Variants in COG6 observed in about 807,000 individuals in gnomAD.
COG6 encodes conserved oligomeric Golgi complex subunit 6.
In COG6, 74 loss-of-function variants were observed where a neutral mutation model predicts 88.8. The observed-to-expected ratio is 0.83, with a 90% CI of 0.69 to 1.01. COG6 has a LOEUF of 1.01. COG6 is among the 50% of genes least tolerant of loss of function. The pLI is 0.00. For missense variants in COG6, 800 were observed against 797.9 expected (o/e 1.00, Z -0.03); for synonymous variants, 286 against 278.7 (o/e 1.03, Z -0.26).
chr13:39,780,331 T>C (rs1881593061), intron 18 of COG6, among the ~76,000 whole-genome samples: 2 of 152,196 alleles, frequency 1.3e-5, no homozygotes. Context: ...AGCAACATGA[T>C]GGCTGGCACC....
At chr13:39,710,221 TC>T (rs1235587729) in intron 13 of COG6, among the ~76,000 whole-genome samples, 1 of 152,170 alleles carries the variant, frequency 6.6e-6, no homozygotes, top group Admixed American at 6.5e-5. Flanking sequence ...TTAGATTTAT[TC>T]CCAGATATTG....
intron 15 of COG6, among the ~76,000 whole-genome samples, chr13:39,722,617 CAAAAA>C (rs67889057): frequency 5.7e-5 from 6 of 105,824 alleles, no homozygotes; most frequent in Admixed American, 1.7e-4. Flanking sequence ...TGTACTGGCA[CAAAAA>C]AAAAAAAAAA....
intron 8 of COG6, among the ~76,000 whole-genome samples, chr13:39,685,040 C>G (rs1411155936): frequency 1.3e-5 from 2 of 151,918 alleles, no homozygotes; most frequent in African/African-American, 4.8e-5. Flanking sequence ...TTTCTTCCTT[C>G]TTTATGTATT....
chr13:39,766,018 C>T (rs933235230), intron 18 of COG6, among the ~76,000 whole-genome samples: 3 of 152,208 alleles, frequency 2.0e-5, no homozygotes, highest in African/African-American at 7.2e-5. Context: ...GGTGGCACTC[C>T]AGGCTTCCTG....
chr13:39,745,850 T>C (rs1480185952), intron 18 of COG6, among the ~76,000 whole-genome samples: 1 of 152,138 alleles, frequency 6.6e-6, no homozygotes, highest in Non-Finnish European at 1.5e-5. Flanking sequence ...CCATCAATGA[T>C]AGACTGGATT....
At chr13:39,680,135 T>A in intron 7 of COG6, 90 bp downstream of exon 7, 1 of 749,626 alleles carries the variant, frequency 1.3e-6, no homozygotes, top group Non-Finnish European at 2.3e-6. Context: ...TATATTTTGA[T>A]TTTAGTAATC....
chr13:39,788,569 C>T (rs113502725), exon 19 of COG6: 144 of 578,336 alleles, frequency 2.5e-4, no homozygotes, highest in Non-Finnish European at 3.2e-4. Flanking sequence ...CAGAATAATG[C>T]GGATCATAAT....
intron 7 of COG6, 122 bp downstream of exon 7, chr13:39,680,167 ATAGTAT>A (rs1876225121): frequency 3.1e-6 from 2 of 637,290 alleles, no homozygotes; most frequent in African/African-American, 1.9e-5. Flanking sequence ...AAAAATAAAA[ATAGTAT>A]TTGTATTTGG....
At chr13:39,659,100 G>A (rs1462360857) in intron 1 of COG6, among the ~76,000 whole-genome samples, 2 of 151,948 alleles carry the variant, frequency 1.3e-5, no homozygotes, top group East Asian at 3.9e-4. Context: ...CTTTTAGATG[G>A]ACATTTATAT....
At chr13:39,768,542 T>C (rs1383527777) in intron 18 of COG6, among the ~76,000 whole-genome samples, 1 of 152,176 alleles carries the variant, frequency 6.6e-6, no homozygotes, top group Non-Finnish European at 1.5e-5. Context: ...ACCTGGATAA[T>C]CATAGCCATG....
At chr13:39,761,249 A>C (rs945029577) in intron 18 of COG6, among the ~76,000 whole-genome samples, 1 of 152,060 alleles carries the variant, frequency 6.6e-6, no homozygotes, top group African/African-American at 2.4e-5. Flanking sequence ...AGAAATTTAT[A>C]GTTCTTGTTT....
chr13:39,745,073 C>T (rs1381815873), intron 18 of COG6, among the ~76,000 whole-genome samples: 1 of 152,128 alleles, frequency 6.6e-6, no homozygotes, highest in Non-Finnish European at 1.5e-5. Flanking sequence ...TTCCTTACAC[C>T]TTATACAAAA....
intron 18 of COG6, among the ~76,000 whole-genome samples, chr13:39,739,087 A>G (rs1453094735): frequency 6.6e-6 from 1 of 152,150 alleles, no homozygotes; most frequent in East Asian, 1.9e-4. Context: ...GTTTTTAAGT[A>G]CGGATAAAAC....
chr13:39,731,094 G>T (rs1879423279), intron 18 of COG6, among the ~76,000 whole-genome samples: 1 of 151,960 alleles, frequency 6.6e-6, no homozygotes, highest in African/African-American at 2.4e-5. Flanking sequence ...AAGTGCTGGG[G>T]TGACAGGCTT....
chr13:39,743,662 A>C (rs949766601), intron 18 of COG6, among the ~76,000 whole-genome samples: 1 of 152,184 alleles, frequency 6.6e-6, no homozygotes, highest in African/African-American at 2.4e-5. Context: ...TCACAGGTGA[A>C]TTCTACCAGA....
rs1429618575 is a variant in COG6 at position 39,773,081 on chromosome 13, C to T, written c.1827-15254C>T. ...GAGATGGAGGGACTTGCCCCAGTGG[C>T]ACAGCAAGATCAAAGCCATTTCTAT... On this transcript the variant is annotated intron_variant, in intron 18 of 18. Transcript: ENST00000416691. Among the ~76,000 whole-genome samples, 3 of 152,308 alleles carry T rather than the reference C, an allele frequency of 2.0e-5. No homozygotes were observed. The East Asian group carries it at 5.8e-4, about 29-fold the overall frequency.
chr13:39,716,923 A>T (rs1467894044), intron 13 of COG6, among the ~76,000 whole-genome samples: 1 of 152,158 alleles, frequency 6.6e-6, no homozygotes, highest in Non-Finnish European at 1.5e-5. Flanking sequence ...TTTTATAGTT[A>T]TCTTTGTTGG....
chr13:39,698,853 T>C (rs1877418015), intron 12 of COG6, among the ~76,000 whole-genome samples: 1 of 151,846 alleles, frequency 6.6e-6, no homozygotes, highest in African/African-American at 2.4e-5. Context: ...TATACATACT[T>C]GTCTTAGATC....
chr13:39,657,454 A>G (rs577365380), intron 1 of COG6, among the ~76,000 whole-genome samples: 1 of 152,090 alleles, frequency 6.6e-6, no homozygotes, highest in African/African-American at 2.4e-5. Context: ...TTCGTTCAAC[A>G]TTACTGATTA....
Sources: gnomAD v4.1 joint callset for allele counts (sites outside exome capture counted in the v4.1 genomes callset) on GRCh38, gnomAD v4.1.1 for gene constraint, MANE v1.5 for transcripts, NCBI Gene and HGNC (gene_info 2026-07-23, HGNC 2026-07-21) for gene names.